HSP90AA1: variants seen among roughly 807,000 people sequenced by gnomAD.
The protein encoded by HSP90AA1 is heat shock protein 90 alpha family class A member 1.
In HSP90AA1, 18 loss-of-function variants were observed where a neutral mutation model predicts 73.3. The observed-to-expected ratio is 0.25, with a 90% CI of 0.17 to 0.36. The LOEUF (loss-of-function observed/expected upper bound fraction) is 0.36. Among genes scored for constraint, HSP90AA1 ranks in the 10% least tolerant of loss-of-function variants. The pLI is 1.00. For synonymous variants in HSP90AA1, 477 were observed against 296.9 expected (o/e 1.61, Z -6.24); for missense variants, 704 against 874.2 (o/e 0.81, Z 2.45).
chr14:102,115,483 A>C (rs996739860), intron 1 of HSP90AA1, among the ~76,000 whole-genome samples: 2 of 152,240 alleles, frequency 1.3e-5, no homozygotes, highest in African/African-American at 4.8e-5. Context: ...TTGATTAGTT[A>C]TTGCCAAATT....
Position 102,081,507 on chromosome 14 carries a change from A to G in HSP90AA1, c.*205T>C. On this transcript the variant is annotated 3_prime_UTR_variant, in exon 11 of 11. Transcript: ENST00000216281. ...ATCTGTGAAAATAAACCAACATGAA[A>G]CTCAAAAAGCATTACTAGCTCTGCT... 6 of 600,244 alleles carry G rather than the reference A, an allele frequency of 1.0e-5. No homozygotes were observed. The highest frequency in any genetic ancestry group is 1.5e-5 in the Non-Finnish European group (5 of 338,402). 37.2% of individuals were successfully genotyped at this position (600,244 alleles called of 1,614,324 possible).
chr14:102,114,835 A>G, intron 1 of HSP90AA1, among the ~76,000 whole-genome samples: 1 of 151,906 alleles, frequency 6.6e-6, no homozygotes, highest in East Asian at 1.9e-4. Context: ...CCTCATCTCT[A>G]CTAGAACTAA....
At chr14:102,139,492 C>T in exon 1 of HSP90AA1, 1 of 1,378,072 alleles carries the variant, frequency 7.3e-7, no homozygotes, top group South Asian at 1.4e-5. Context: ...GGGGTCCCGG[C>T]GCCCCTCAGG....
intron 1 of HSP90AA1, among the ~76,000 whole-genome samples, chr14:102,122,281 CTTT>C (rs35837326): frequency 0.015 from 1,829 of 118,694 alleles, 9 homozygotes; most frequent in Non-Finnish European, 0.017. Flanking sequence ...TGTTTAAAGA[CTTT>C]TTTTTTTTTT....
Position 102,125,821 on chromosome 14 carries a change from G to A in HSP90AA1, c.155+13429C>T, listed in dbSNP as rs775528693. On this transcript the variant is annotated intron_variant, in intron 1 of 11. Transcript: ENST00000334701. Reference sequence around the variant, plus strand: ...GTGCTAAAAGAGAATCTTTCTCAAAGGTGAGTCACTCATTTGGCAAGTGTG... The same window carrying A: ...GTGCTAAAAGAGAATCTTTCTCAAAAGTGAGTCACTCATTTGGCAAGTGTG... 7.9e-5 allele frequency among the ~76,000 whole-genome samples: 12 copies of A among 152,128 alleles called. No individual in the cohort carries two copies. The South Asian group carries it at 1.2e-3, about 16-fold the overall frequency.
At chr14:102,087,936 TTTTTTTTTTTTTTTC>T (rs2049287383), upstream of HSP90AA1, among the ~76,000 whole-genome samples, 2 of 131,056 alleles carry the variant, frequency 1.5e-5, no homozygotes, top group Non-Finnish European at 3.3e-5. Context: ...AAAAGGTTTT[TTTTTTTTTTTTTTTC>T]TTTTTTTTTT....
chr14:102,121,718 C>T (rs2049780493), intron 1 of HSP90AA1, among the ~76,000 whole-genome samples: 1 of 152,074 alleles, frequency 6.6e-6, no homozygotes, highest in Non-Finnish European at 1.5e-5. Context: ...AATGAGCACC[C>T]TGGAGTGGGG....
Position 102,083,687 on chromosome 14 carries a change from T to C in HSP90AA1, c.1345A>G (p.Ile449Val). ...EQFSKNIKLG[I>V]HEDSQNRKKL... ...TTCCGATTTTGAGAGTCTTCGTGTA[T>C]TCCAAGCTGAAACAAAGTATGTTCT... Residue 449 changes from isoleucine to valine, a missense_variant, in exon 8 of 11, where the codon ATA becomes GTA. By Grantham distance (29) the Ile-to-Val change is conservative (BLOSUM62 3). Transcript: ENST00000216281. The C allele has an allele frequency of 6.2e-7, 1 of 1,612,356 alleles. No individual in the cohort carries two copies. The highest frequency in any genetic ancestry group is 8.5e-7 in the Non-Finnish European group (1 of 1,179,268).
chr14:102,097,959 G>A (rs1307142628), intron 2 of HSP90AA1, among the ~76,000 whole-genome samples: 2 of 151,962 alleles, frequency 1.3e-5, no homozygotes, highest in African/African-American at 2.4e-5. Context: ...CCCAGCACCC[G>A]GCTAGTTCAC....
intron 1 of HSP90AA1, among the ~76,000 whole-genome samples, chr14:102,129,940 T>C (rs1004094525): frequency 1.3e-5 from 2 of 152,156 alleles, no homozygotes; most frequent in African/African-American, 4.8e-5. Context: ...CTGTGAACAT[T>C]CACGTATAAG....
intron 1 of HSP90AA1, among the ~76,000 whole-genome samples, chr14:102,103,976 G>A (rs1159421089): frequency 1.3e-5 from 2 of 151,492 alleles, no homozygotes; most frequent in African/African-American, 4.8e-5. Flanking sequence ...AGGAGGCGGA[G>A]GTTGCAGTGA....
At chr14:102,123,077 C>T (rs1037092378) in intron 1 of HSP90AA1, among the ~76,000 whole-genome samples, 2 of 152,072 alleles carry the variant, frequency 1.3e-5, no homozygotes, top group Non-Finnish European at 2.9e-5. Context: ...GGCCTGAATT[C>T]AACTTACACA....
At chr14:102,136,461 C>T (rs2049995586) in intron 1 of HSP90AA1, among the ~76,000 whole-genome samples, 1 of 149,332 alleles carries the variant, frequency 6.7e-6, no homozygotes, top group African/African-American at 2.5e-5. Flanking sequence ...CCCAGCTACT[C>T]GGGAGGCTGA....
At chr14:102,082,021 G>GCT in intron 10 of HSP90AA1, 90 bp downstream of exon 10, 1 of 932,012 alleles carries the variant, frequency 1.1e-6, no homozygotes. Flanking sequence ...AGGACAAGGT[G>GCT]CTCCAAGTTT....
At chr14:102,083,376 C>T (rs36090727) in intron 8 of HSP90AA1, 74 bp from the exon 9 acceptor site, 3 of 1,543,664 alleles carry the variant, frequency 1.9e-6, no homozygotes, top group East Asian at 4.5e-5. Flanking sequence ...ACTTTTCTTG[C>T]TAGCCAGATA....
At position 102,097,278 on chromosome 14, in the gene HSP90AA1, G is replaced by A. The variant is rs577256661; in HGVS notation, c.366+4597C>T. On this transcript the variant is annotated intron_variant, in intron 2 of 11. Transcript: ENST00000334701. ...TGGGATTACAGGTATGAGCCACCGCGCCCAGCAAAAGCAATTTTTTTTAAA... is the reference window on the plus strand; with the variant it reads ...TGGGATTACAGGTATGAGCCACCGCACCCAGCAAAAGCAATTTTTTTTAAA... 1.9e-4 allele frequency among the ~76,000 whole-genome samples: 29 copies of A among 150,792 alleles called. No individual in the cohort carries two copies. In the East Asian group the frequency reaches 1.9e-3, roughly 10 times the overall value.
chr14:102,085,131 T>TC, intron 4 of HSP90AA1, 133 bp from the exon 5 acceptor site: 1 of 1,509,686 alleles, frequency 6.6e-7, no homozygotes, highest in Non-Finnish European at 9.2e-7. Flanking sequence ...TCATCAATAT[T>TC]TGATACATCC....
upstream of HSP90AA1, among the ~76,000 whole-genome samples, chr14:102,087,782 C>T (rs776413686): frequency 2.0e-5 from 3 of 152,122 alleles, no homozygotes; most frequent in East Asian, 1.9e-4. Context: ...CTTAAGGGTC[C>T]CTTAGCTTGG....
chr14:102,117,812 G>A (rs966562687), intron 1 of HSP90AA1, among the ~76,000 whole-genome samples: 5 of 152,190 alleles, frequency 3.3e-5, no homozygotes, highest in African/African-American at 1.2e-4. Flanking sequence ...GGCCCTTTGG[G>A]AAGCCCAGAC....
Sources: allele counts gnomAD v4.1 joint callset (sites outside exome capture counted in the v4.1 genomes callset), GRCh38; gene constraint gnomAD v4.1.1; transcripts MANE v1.5; gene names NCBI Gene and HGNC (gene_info 2026-07-23, HGNC 2026-07-21).